Variants in VEZT observed in about 807,000 individuals in gnomAD.
VEZT encodes the protein vezatin, adherens junctions transmembrane protein, also known as vezatin.
Under a neutral mutation model 79.9 loss-of-function variants are expected in VEZT, and 39 were observed. That is an observed-to-expected ratio of 0.49 (90% CI 0.38 to 0.64). The LOEUF (loss-of-function observed/expected upper bound fraction) is 0.64, where lower values mean the gene tolerates loss of function less well. VEZT is among the 30% of genes least tolerant of loss of function. The pLI is 0.00. For synonymous variants in VEZT, 325 were observed against 327.6 expected (o/e 0.99, Z 0.09); for missense variants, 837 against 893.1 (o/e 0.94, Z 0.80).
Position 95,300,505 on chromosome 12 carries a change from G to A in VEZT, c.2172G>A (p.Gln724=). ...PRDSLQPSIK[Q]RLARLQLSPD... is the part of the protein sequence containing the mutation. ...ACTCATTACAGCCCTCCATTAAGCAGAGGCTGGCACGGCTACAGCTGTCAC... is the reference window on the plus strand; with the variant it reads ...ACTCATTACAGCCCTCCATTAAGCAAAGGCTGGCACGGCTACAGCTGTCAC... Residue 724 remains glutamine, a synonymous_variant, in exon 12 of 12, where the codon CAG becomes CAA. Transcript: ENST00000436874. The A allele has an allele frequency of 6.2e-7, 1 of 1,613,932 alleles. No homozygotes were observed. Among genetic ancestry groups the A allele is most frequent in the Non-Finnish European group, 8.5e-7 (1 of 1,179,896 alleles).
intron 9 of VEZT, among the ~76,000 whole-genome samples, chr12:95,291,402 T>C (rs987230156): frequency 2.0e-5 from 3 of 152,204 alleles, no homozygotes; most frequent in Non-Finnish European, 4.4e-5. Context: ...ACCTGTATTT[T>C]AATAAGATCT....
chr12:95,254,604 A>G (rs1055928442), intron 2 of VEZT, among the ~76,000 whole-genome samples: 1 of 152,030 alleles, frequency 6.6e-6, no homozygotes, highest in Non-Finnish European at 1.5e-5. Flanking sequence ...ACCTTGGCCT[A>G]AACTGCTGAG....
chr12:95,297,260 G>T (rs1379422883), intron 11 of VEZT, among the ~76,000 whole-genome samples: 7 of 152,170 alleles, frequency 4.6e-5, no homozygotes, highest in Non-Finnish European at 1.0e-4. Context: ...AATGCCTATG[G>T]ATTTCTAAGT....
intron 1 of VEZT, among the ~76,000 whole-genome samples, chr12:95,225,263 G>A (rs985016653): frequency 6.6e-6 from 1 of 152,178 alleles, no homozygotes. Context: ...ACAAGAGCAC[G>A]TGATCATGAT....
chr12:95,269,435 A>G (rs2066180180), intron 5 of VEZT, among the ~76,000 whole-genome samples: 1 of 152,056 alleles, frequency 6.6e-6, no homozygotes, highest in Admixed American at 6.6e-5. Flanking sequence ...CACGTCCCCT[A>G]CTTCATTTTG....
chr12:95,254,482 G>T (rs2063151116), intron 2 of VEZT, among the ~76,000 whole-genome samples: 1 of 151,764 alleles, frequency 6.6e-6, no homozygotes, highest in South Asian at 2.1e-4. Context: ...AAGTAGCTGG[G>T]ATTACAGGCA....
At chr12:95,265,447 A>G (rs966186972) in intron 4 of VEZT, among the ~76,000 whole-genome samples, 6 of 149,222 alleles carry the variant, frequency 4.0e-5, no homozygotes, top group Admixed American at 3.4e-4. Flanking sequence ...TTGATCTAGT[A>G]TGTGTTTCTA....
chr12:95,281,321 CT>C (rs1351629447), intron 7 of VEZT, among the ~76,000 whole-genome samples: 2 of 152,050 alleles, frequency 1.3e-5, no homozygotes, highest in Non-Finnish European at 2.9e-5. Context: ...ATCTCTAAAA[CT>C]TAAATATTAG....
rs777264581 is a variant in VEZT at position 95,294,260 on chromosome 12, C to T, written c.1523-12C>T. Reference sequence around the variant, plus strand: ...TCTTATCTTTATTCCCATCTATTCCCGTTTTTTAAAGGCAAGCCTGAAATA... The same window carrying T: ...TCTTATCTTTATTCCCATCTATTCCTGTTTTTTAAAGGCAAGCCTGAAATA... On this transcript the variant is annotated splice_polypyrimidine_tract_variant and intron_variant, in intron 9 of 11. Transcript: ENST00000436874. 10 of 1,566,816 alleles carry T rather than the reference C, an allele frequency of 6.4e-6. No individual in the cohort carries two copies. The East Asian group carries it at 9.3e-5, about 15-fold the overall frequency.
At chr12:95,228,111 T>C (rs2058745552) in intron 1 of VEZT, among the ~76,000 whole-genome samples, 1 of 152,228 alleles carries the variant, frequency 6.6e-6, no homozygotes, top group African/African-American at 2.4e-5. Flanking sequence ...CCTACTTCTT[T>C]CATACTTCTG....
chr12:95,259,606 A>G (rs865900687), intron 3 of VEZT, among the ~76,000 whole-genome samples: 20 of 152,332 alleles, frequency 1.3e-4, no homozygotes, highest in Middle Eastern at 3.4e-3. Flanking sequence ...TGGCACTCAG[A>G]CTTGTTGAAA....
intron 9 of VEZT, among the ~76,000 whole-genome samples, chr12:95,289,129 T>TAAATTTAA (rs1343956093): frequency 7.1e-6 from 1 of 141,500 alleles, no homozygotes; most frequent in African/African-American, 2.5e-5. Flanking sequence ...AATAAATAAA[T>TAAATTTAA]AAAAAAGGCC....
chr12:95,299,958 C>T (rs1463711730), intron 11 of VEZT: 4 of 359,788 alleles, frequency 1.1e-5, no homozygotes, highest in Non-Finnish European at 1.5e-5. Flanking sequence ...TCATCAAATC[C>T]CTATCTCATT....
chr12:95,261,277 A>G (rs1472467913), intron 3 of VEZT, among the ~76,000 whole-genome samples: 1 of 152,074 alleles, frequency 6.6e-6, no homozygotes, highest in Non-Finnish European at 1.5e-5. Context: ...AGAAGAGCAA[A>G]CCTGTTGCCT....
chr12:95,276,072 C>T (rs995831184), intron 7 of VEZT, among the ~76,000 whole-genome samples: 1 of 151,978 alleles, frequency 6.6e-6, no homozygotes, highest in African/African-American at 2.4e-5. Context: ...TTCACTTTAG[C>T]AGTGAATACC....
At chr12:95,280,113 C>A (rs1343903184) in intron 7 of VEZT, among the ~76,000 whole-genome samples, 1 of 152,158 alleles carries the variant, frequency 6.6e-6, no homozygotes, top group African/African-American at 2.4e-5. Flanking sequence ...GCAGTAACTT[C>A]CTTACTGGTT....
chr12:95,300,752 G>A lies in VEZT; in HGVS notation c.*79G>A, dbSNP rs2075120094. ...AGCTTCAAGACTGGAAAGGGAATAT[G>A]AGTGTAAGTTTACTATATATAAAGC... On this transcript the variant is annotated 3_prime_UTR_variant, in exon 12 of 12. Transcript: ENST00000436874. 4.2e-6 allele frequency: 6 copies of A among 1,442,650 alleles called. No individual in the cohort carries two copies. In the South Asian group the frequency reaches 9.1e-5, roughly 22 times the overall value. 89.4% of individuals were successfully genotyped at this position (1,442,650 alleles called of 1,614,324 possible).
rs1383421369 is a variant in VEZT at position 95,240,050 on chromosome 12, AAGGAAGGAAGGAAGGAAGG to A, written c.37-11888_37-11870del. On this transcript the variant is annotated intron_variant, in intron 1 of 11. Transcript: ENST00000436874. ...GAAGGAAGGAAGGAAGGAAGGAAGG[AAGGAAGGAAGGAAGGAAGG>A]AAGGAAGAAAAGAAAGAGGAAAACA... Among the ~76,000 whole-genome samples, 388 of 137,598 alleles carry A rather than the reference AAGGAAGGAAGGAAGGAAGG, an allele frequency of 2.8e-3. 7 individuals are homozygous for A. Among genetic ancestry groups the A allele is most frequent in the African/African-American group, 9.9e-3 (353 of 35,522 alleles). 90.3% of individuals were successfully genotyped at this position (137,598 alleles called of 152,430 possible). A position where few individuals can be genotyped will look rare whatever the true frequency, so the allele number is the denominator to read the frequency against.
At chr12:95,221,139 C>T (rs1026818730) in intron 1 of VEZT, among the ~76,000 whole-genome samples, 6 of 152,142 alleles carry the variant, frequency 3.9e-5, no homozygotes, top group Non-Finnish European at 8.8e-5. Context: ...TTTTGTGAAG[C>T]CACGTCAAAT....
Sources: gnomAD v4.1 joint callset for allele counts (sites outside exome capture counted in the v4.1 genomes callset) on GRCh38, gnomAD v4.1.1 for gene constraint, MANE v1.5 for transcripts, NCBI Gene and HGNC (gene_info 2026-07-23, HGNC 2026-07-21) for gene names.